ZFHX3: variants seen among roughly 807,000 people sequenced by gnomAD.
ZFHX3 encodes the protein zinc finger homeobox protein 3.
ZFHX3 carries 42 observed loss-of-function variants against 279.1 expected under a neutral mutation model. That is an observed-to-expected ratio of 0.15 (90% CI 0.12 to 0.19). The LOEUF (loss-of-function observed/expected upper bound fraction) is 0.19, where lower values mean the gene tolerates loss of function less well. Ranked by LOEUF, ZFHX3 falls within the 10% of genes least tolerant of loss-of-function variation. The pLI is 1.00. For synonymous variants in ZFHX3, 2,293 were observed against 1,957.8 expected, an observed-to-expected ratio of 1.17 and a Z score of -4.52; for missense variants, 4,981 against 4,754.0, an observed-to-expected ratio of 1.05 and a Z score of -1.40.
intron 3 of ZFHX3, among the ~76,000 whole-genome samples, chr16:73,412,085 G>A (rs982176486): frequency 4.6e-5 from 7 of 152,086 alleles, no homozygotes; most frequent in Non-Finnish European, 8.8e-5. Context: ...CCAGCACTTG[G>A]GAGAGCGAGG....
At chr16:73,400,881 G>C (rs1012365344) in intron 3 of ZFHX3, 1 of 152,118 alleles carries the variant, frequency 6.6e-6, no homozygotes, top group Admixed American at 6.6e-5. Context: ...TCCGCAGAGG[G>C]CACACTGTCT....
chr16:73,253,657 G>A (rs2013578213), intron 5 of ZFHX3, among the ~76,000 whole-genome samples: 1 of 151,734 alleles, frequency 6.6e-6, no homozygotes, highest in Non-Finnish European at 1.5e-5. Context: ...GGGTTTCACC[G>A]GGTTAACTAG....
At chr16:73,476,392 A>C (rs1281601327) in intron 2 of ZFHX3, among the ~76,000 whole-genome samples, 1 of 152,176 alleles carries the variant, frequency 6.6e-6, no homozygotes, top group Admixed American at 6.5e-5. Context: ...GTTGATTTAC[A>C]AAGAAACTCT....
At chr16:72,973,850 G>T (rs138323293) in intron 1 of ZFHX3, 3 of 152,132 alleles carry the variant, frequency 2.0e-5, no homozygotes, top group Non-Finnish European at 2.9e-5. Flanking sequence ...TCCAGCCTGG[G>T]CGACAGAGTA....
chr16:72,890,203 A>G (rs1030798839), intron 3 of ZFHX3, among the ~76,000 whole-genome samples: 1 of 152,222 alleles, frequency 6.6e-6, no homozygotes. Context: ...GGTGATTAGA[A>G]TATGGGGGTG....
At chr16:73,185,934 A>C (rs115473372) in intron 5 of ZFHX3, among the ~76,000 whole-genome samples, 4,128 of 152,084 alleles carry the variant, frequency 0.027, 196 homozygotes, top group African/African-American at 0.095. Flanking sequence ...CCCTCTCATT[A>C]CCACCTTAGC....
At chr16:73,017,846 C>G (rs1597096524) in intron 1 of ZFHX3, among the ~76,000 whole-genome samples, 1 of 152,190 alleles carries the variant, frequency 6.6e-6, no homozygotes, top group South Asian at 2.1e-4. Flanking sequence ...GAGCCCATGC[C>G]TACTGTCTGA....
intron 2 of ZFHX3, among the ~76,000 whole-genome samples, chr16:73,533,097 A>G (rs995463675): frequency 1.3e-5 from 2 of 152,262 alleles, no homozygotes; most frequent in Middle Eastern, 3.4e-3. Context: ...ATGCGCTGTT[A>G]CGCTGCCAGG....
At chr16:73,477,677 C>G (rs2018788021) in intron 2 of ZFHX3, among the ~76,000 whole-genome samples, 1 of 152,208 alleles carries the variant, frequency 6.6e-6, no homozygotes, top group South Asian at 2.1e-4. Flanking sequence ...GCCGGTAGGG[C>G]AGCAGCAGTC....
rs34127285 is a variant in ZFHX3, at chr16:73,835,458, C to CTTTTTTTTTTTT, written c.-1608+56181_-1608+56192dup. On this transcript the variant is annotated intron_variant, in intron 1 of 17. Coordinates refer to the ZFHX3 transcript ENST00000641206. ...ACTTTCCTCCACCATCCCTCTTCTG[C>CTTTTTTTTTTTT]TTTTTTTTTTTTTTTTTTTTTTTTT... is the stretch of plus-strand genomic sequence containing the variant. Among the ~76,000 whole-genome samples the CTTTTTTTTTTTT allele has an allele frequency of 8.1e-5, 4 of 49,530 alleles. 2 individuals carry two copies. The highest frequency in any genetic ancestry group is 1.4e-4 in the African/African-American group (2 of 14,194). The allele number at this position is 49,530 out of a possible 152,430, so 32.5% of individuals were successfully genotyped here.
At chr16:73,364,640 C>T (rs187466983) in intron 3 of ZFHX3, among the ~76,000 whole-genome samples, 9 of 152,192 alleles carry the variant, frequency 5.9e-5, no homozygotes, top group Admixed American at 2.0e-4. Flanking sequence ...GATGTCATCA[C>T]GACTCTAGCT....
chr16:72,928,313 T>C (rs1037558466), intron 3 of ZFHX3, among the ~76,000 whole-genome samples: 7 of 133,974 alleles, frequency 5.2e-5, no homozygotes, highest in Admixed American at 1.5e-4. Context: ...GTGTGCCCAA[T>C]TGACAAAATG....
chr16:73,510,438 A>T (rs1357867687), intron 2 of ZFHX3, among the ~76,000 whole-genome samples: 1 of 152,198 alleles, frequency 6.6e-6, no homozygotes, highest in Non-Finnish European at 1.5e-5. Flanking sequence ...TGTCTATGAC[A>T]TTTCATATGG....
At chr16:73,670,583 A>C (rs1176314083) in intron 2 of ZFHX3, among the ~76,000 whole-genome samples, 2 of 152,324 alleles carry the variant, frequency 1.3e-5, no homozygotes, top group African/African-American at 4.8e-5. Context: ...TGGTCTTCTA[A>C]CCTTGGTAGA....
chr16:73,102,921 A>G (rs28729350), intron 7 of ZFHX3, among the ~76,000 whole-genome samples: 3,017 of 152,048 alleles, frequency 0.02, 101 homozygotes, highest in African/African-American at 0.069. Context: ...CTACATTTAC[A>G]TCTTTGTTTG....
intron 4 of ZFHX3, among the ~76,000 whole-genome samples, chr16:72,869,124 A>T: frequency 6.6e-6 from 1 of 152,230 alleles, no homozygotes; most frequent in East Asian, 1.9e-4. Context: ...GGCAGGAAGG[A>T]CTTCAAATTT....
At chr16:73,019,479 G>A (rs1458072780) in intron 1 of ZFHX3, among the ~76,000 whole-genome samples, 1 of 152,072 alleles carries the variant, frequency 6.6e-6, no homozygotes, top group Admixed American at 6.6e-5. Flanking sequence ...TCCTTACCAA[G>A]GTGCCCACCG....
intron 4 of ZFHX3, among the ~76,000 whole-genome samples, chr16:72,861,922 C>T (rs768237136): frequency 5.3e-5 from 8 of 151,978 alleles, no homozygotes; most frequent in South Asian, 2.1e-4. Context: ...GGCTGAGGCA[C>T]GAGAATTGCT....
At chr16:72,952,497 C>A (rs1961044560) in intron 2 of ZFHX3, among the ~76,000 whole-genome samples, 1 of 152,314 alleles carries the variant, frequency 6.6e-6, no homozygotes, top group African/African-American at 2.4e-5. Context: ...GGCACCACCT[C>A]CCTAGGACAG....
Sources: gnomAD v4.1 joint callset for allele counts (sites outside exome capture counted in the v4.1 genomes callset) on GRCh38, gnomAD v4.1.1 for gene constraint, MANE v1.5 for transcripts, NCBI Gene and HGNC (gene_info 2026-07-23, HGNC 2026-07-21) for gene names.